Variants in MAN1C1 observed in about 807,000 individuals in gnomAD.
MAN1C1 encodes mannosidase alpha class 1C member 1.
MAN1C1 carries 49 observed loss-of-function variants against 71.5 expected under a neutral mutation model. The ratio of observed to expected loss-of-function variants is 0.69; its 90% CI spans 0.54 to 0.87. The LOEUF is 0.87. Among genes scored for constraint, MAN1C1 ranks in the 40% least tolerant of loss-of-function variants. MAN1C1 has a pLI of 0.00. For synonymous variants in MAN1C1, 352 were observed against 343.7 expected, an observed-to-expected ratio of 1.02 and a Z score of -0.27; for missense variants, 743 against 835.0, an observed-to-expected ratio of 0.89 and a Z score of 1.36.
chr1:25,628,147 A>G (rs1285597034), intron 1 of MAN1C1, among the ~76,000 whole-genome samples: 7 of 152,070 alleles, frequency 4.6e-5, no homozygotes, highest in African/African-American at 1.7e-4. Flanking sequence ...ATCTGTCTCT[A>G]TTTATTTAGA....
At chr1:25,712,423 C>T (rs2046625940) in intron 2 of MAN1C1, among the ~76,000 whole-genome samples, 1 of 152,172 alleles carries the variant, frequency 6.6e-6, no homozygotes, top group Admixed American at 6.5e-5. Context: ...CACAGCAGCC[C>T]CAGCCTAGCA....
intron 1 of MAN1C1, among the ~76,000 whole-genome samples, chr1:25,633,257 A>T: frequency 6.6e-6 from 1 of 152,208 alleles, no homozygotes; most frequent in Non-Finnish European, 1.5e-5. Context: ...GATGAGAAGA[A>T]TGTGTATTCT....
intron 2 of MAN1C1, among the ~76,000 whole-genome samples, chr1:25,704,069 C>T (rs2046483468): frequency 6.6e-6 from 1 of 152,190 alleles, no homozygotes; most frequent in South Asian, 2.1e-4. Context: ...CATCCCGGCT[C>T]CTGTCTCTCC....
chr1:25,691,365 T>C (rs940669994), intron 2 of MAN1C1, among the ~76,000 whole-genome samples: 2 of 152,172 alleles, frequency 1.3e-5, no homozygotes, highest in African/African-American at 2.4e-5. Flanking sequence ...GGCCAGATGG[T>C]TTGCATGTGC....
intron 7 of MAN1C1, among the ~76,000 whole-genome samples, chr1:25,767,462 CCA>C (rs1364500146): frequency 1.7e-5 from 2 of 119,402 alleles, no homozygotes; most frequent in Non-Finnish European, 3.5e-5. Context: ...ACACACAGAC[CCA>C]CACACCCACA....
At chr1:25,688,876 T>C (rs1534948) in intron 2 of MAN1C1, among the ~76,000 whole-genome samples, 126,406 of 152,232 alleles carry the variant, frequency 0.83, 53,293 homozygotes, top group East Asian at 0.99. Context: ...CCAGTGAGCC[T>C]GTGGCAGGCT....
intron 1 of MAN1C1, among the ~76,000 whole-genome samples, chr1:25,670,683 G>A (rs762695139): frequency 6.6e-6 from 1 of 152,204 alleles, no homozygotes; most frequent in African/African-American, 2.4e-5. Flanking sequence ...TGGTGAGATG[G>A]AAGAGACAAA....
Position 25,781,040 on chromosome 1 carries a change from G to A in MAN1C1, c.1578G>A (p.Val526=). The change falls in exon 10 of 12, where the codon GTG becomes GTA. Residue 526 remains valine (V), a synonymous_variant. Transcript: ENST00000374332. Reference sequence around the variant, plus strand: ...ACTACATCCTCCGGCCAGAGGTGGTGGAGAGCTACATGTACCTGTGGCGAC... The same window carrying A: ...ACTACATCCTCCGGCCAGAGGTGGTAGAGAGCTACATGTACCTGTGGCGAC... ...ESYYILRPEV[V]ESYMYLWRQT... 1 of 1,614,162 alleles carries A rather than the reference G, an allele frequency of 6.2e-7. No homozygotes were observed. The highest frequency in any genetic ancestry group is 8.5e-7 in the Non-Finnish European group (1 of 1,180,034).
chr1:25,647,342 C>A (rs1345391538), intron 1 of MAN1C1, among the ~76,000 whole-genome samples: 1 of 152,126 alleles, frequency 6.6e-6, no homozygotes, highest in Non-Finnish European at 1.5e-5. Context: ...CAGGTGGTGC[C>A]TGTGGTGCAA....
intron 1 of MAN1C1, among the ~76,000 whole-genome samples, chr1:25,663,754 G>A (rs1344831154): frequency 2.0e-5 from 3 of 152,120 alleles, no homozygotes; most frequent in East Asian, 1.9e-4. Flanking sequence ...CATTGAAGTC[G>A]CGAGGGAGAG....
intron 1 of MAN1C1, among the ~76,000 whole-genome samples, chr1:25,683,212 C>T (rs867116854): frequency 1.3e-5 from 2 of 152,150 alleles, no homozygotes; most frequent in Non-Finnish European, 1.5e-5. Flanking sequence ...GTCACCCTTT[C>T]TTGTGCCCCT....
rs2045131471 is a variant in MAN1C1 at position 25,617,939 on chromosome 1, C to T, written c.142C>T (p.Arg48Cys). 3 of 1,606,504 alleles carry T rather than the reference C, an allele frequency of 1.9e-6. No individual in the cohort carries two copies. The highest frequency in any genetic ancestry group is 2.5e-6 in the Non-Finnish European group (3 of 1,177,366). The change falls in exon 1 of 12, where the codon CGC becomes TGC. Residue 48 changes from arginine (R) to cysteine (C), a missense_variant. Coordinates refer to ENST00000374332, the MANE Select transcript of MAN1C1 (RefSeq NM_020379.4). This position sits in a 1 kb window ranked among gnomAD's most constrained non-coding sequence, Gnocchi z 5.1. Reference sequence around the variant, plus strand: ...CCTCTTCCTGCTGCCCCACTCCTCTCGCCTCAAGCGCCTCTTCCTGGCCCC... The same window carrying T: ...CCTCTTCCTGCTGCCCCACTCCTCTTGCCTCAAGCGCCTCTTCCTGGCCCC... ...GALFLLPHSS[R>C]LKRLFLAPRT...
At chr1:25,768,151 C>A (rs2047476041) in intron 7 of MAN1C1, among the ~76,000 whole-genome samples, 2 of 118,248 alleles carry the variant, frequency 1.7e-5, no homozygotes, top group Non-Finnish European at 3.5e-5. Context: ...CATACACTCC[C>A]CCTACATACA....
intron 2 of MAN1C1, among the ~76,000 whole-genome samples, chr1:25,737,172 A>C (rs1275900863): frequency 6.6e-6 from 1 of 152,262 alleles, no homozygotes; most frequent in East Asian, 1.9e-4. Flanking sequence ...ATTTAAAAAC[A>C]AACATTAACA....
At chr1:25,722,995 T>C (rs2046786401) in intron 2 of MAN1C1, among the ~76,000 whole-genome samples, 1 of 152,222 alleles carries the variant, frequency 6.6e-6, no homozygotes, top group Admixed American at 6.5e-5. Flanking sequence ...TGTGGAAGCT[T>C]GTAGGGCGTA....
intron 6 of MAN1C1, chr1:25,759,793 C>T (rs1418151162): frequency 1.3e-5 from 2 of 152,140 alleles, no homozygotes; most frequent in Non-Finnish European, 1.5e-5. Context: ...ACCTGAGTGT[C>T]CTTAAGAAGC....
Position 25,753,707 on chromosome 1 carries a change from G to A in MAN1C1, c.929+129G>A. ...AGGCAAGCAGGAGGGGGGACCCTTG[G>A]GACCACCTCTGTTGAACCCGTTCTT... On this transcript the variant is annotated intron_variant, in intron 5 of 11. Coordinates refer to ENST00000374332, the MANE Select transcript of MAN1C1 (RefSeq NM_020379.4). The surrounding 1 kb of genome is among the most constrained non-coding windows in gnomAD (Gnocchi z 4.9). 1.4e-6 allele frequency: 1 copy of A among 705,648 alleles called. No homozygotes were observed. The highest frequency in any genetic ancestry group is 2.4e-6 in the Non-Finnish European group (1 of 419,922). 43.7% of individuals were successfully genotyped at this position (705,648 alleles called of 1,614,324 possible).
rs115843343 is a variant in MAN1C1 at position 25,771,554 on chromosome 1, G to A, written c.1142-103G>A. On this transcript the variant is annotated intron_variant, in intron 7 of 11. Coordinates refer to ENST00000374332, the MANE Select transcript of MAN1C1 (RefSeq NM_020379.4). Reference sequence around the variant, plus strand: ...CTGGCGAGATGCCCGCTTCCTACCCGTACAGGCACCGGGCCCCTGAGGTCA... The same window carrying A: ...CTGGCGAGATGCCCGCTTCCTACCCATACAGGCACCGGGCCCCTGAGGTCA... The A allele has an allele frequency of 3.4e-3, 2,822 of 823,552 alleles. 19 individuals are homozygous for A. Among genetic ancestry groups the A allele is most frequent in the African/African-American group, 0.02 (1,187 of 58,688 alleles). The allele number at this position is 823,552 out of a possible 1,614,324, so 51.0% of individuals were successfully genotyped here. A position where few individuals can be genotyped will look rare whatever the true frequency, so the allele number is the denominator to read the frequency against.
intron 8 of MAN1C1, among the ~76,000 whole-genome samples, chr1:25,777,052 G>C (rs924465481): frequency 1.2e-4 from 18 of 152,188 alleles, no homozygotes; most frequent in Non-Finnish European, 1.5e-4. Context: ...CATGTCCATA[G>C]AATCAGGTCC....
Sources: gnomAD v4.1 joint callset for allele counts (sites outside exome capture counted in the v4.1 genomes callset) on GRCh38, gnomAD v4.1.1 for gene constraint, Gnocchi (gnomAD v3.1) non-coding constraint, MANE v1.5 for transcripts, NCBI Gene and HGNC (gene_info 2026-07-23, HGNC 2026-07-21) for gene names.